Variants in RAB28 observed in about 807,000 individuals in gnomAD.
The protein encoded by RAB28 is RAB28, member RAS oncogene family.
A neutral mutation model predicts 31.7 loss-of-function variants in RAB28; 24 were observed. The observed-to-expected ratio is 0.76, with a 90% confidence interval of 0.55 to 1.06. The LOEUF is 1.06. Ranked by LOEUF, RAB28 falls within the 50% of genes least tolerant of loss-of-function variation. The pLI is 0.00. For synonymous variants in RAB28, 100 were observed against 90.4 expected, an observed-to-expected ratio of 1.11 and a Z score of -0.60; for missense variants, 254 against 258.5, an observed-to-expected ratio of 0.98 and a Z score of 0.12.
chr4:13,368,690 A>G, intron 6 of RAB28, 40 bp from the exon 7 acceptor site: 1 of 1,540,230 alleles, frequency 6.5e-7, no homozygotes, highest in Non-Finnish European at 8.9e-7. Flanking sequence ...AGGATATCAG[A>G]ACATTTAGAA....
chr4:13,431,381 C>T (rs1713796809), intron 4 of RAB28, among the ~76,000 whole-genome samples: 1 of 152,180 alleles, frequency 6.6e-6, no homozygotes, highest in African/African-American at 2.4e-5. Flanking sequence ...TCTCCCAAGA[C>T]CTTGGTGCAC....
chr4:13,460,568 C>G, intron 4 of RAB28, 131 bp downstream of exon 4: 1 of 1,173,466 alleles, frequency 8.5e-7, no homozygotes, highest in South Asian at 1.3e-5. Flanking sequence ...TCCCAAAACC[C>G]CACCTCCAGA....
At chr4:13,402,620 T>C (rs1711837058) in intron 4 of RAB28, among the ~76,000 whole-genome samples, 1 of 152,170 alleles carries the variant, frequency 6.6e-6, no homozygotes, top group South Asian at 2.1e-4. Flanking sequence ...TGTATCTTCA[T>C]ATTTAAAGTA....
intron 4 of RAB28, among the ~76,000 whole-genome samples, chr4:13,460,403 C>T (rs962151783): frequency 1.3e-5 from 2 of 152,118 alleles, no homozygotes; most frequent in African/African-American, 4.8e-5. Context: ...TAAATAGAGA[C>T]AAGGGTCTCA....
At chr4:13,390,674 C>T (rs1729586978) in intron 4 of RAB28, among the ~76,000 whole-genome samples, 1 of 151,234 alleles carries the variant, frequency 6.6e-6, no homozygotes, top group Non-Finnish European at 1.5e-5. Context: ...GCTACAGTAA[C>T]CAAAACAACA....
In RAB28 at chr4:13,460,827, C is replaced by A. The variant is rs776613209; in HGVS notation, c.263G>T (p.Gly88Val). The A allele has an allele frequency of 6.2e-7, 1 of 1,609,126 alleles. No individual in the cohort carries two copies. Among genetic ancestry groups the A allele is most frequent in the East Asian group, 2.2e-5 (1 of 44,810 alleles). ...MLDKYIYGAQ[G>V]VLLVYDITNY... ...TGTAATATCATATACCAAGAGGACT[C>A]CCTGTCACAAAAGAGTTACAAAATA... Residue 88 changes from glycine (G) to valine (V), a missense_variant and splice_region_variant, in exon 4 of 7, where the codon GGA becomes GTA. By Grantham distance (109) the Gly-to-Val change is moderately radical. Coordinates refer to ENST00000330852, the MANE Select transcript of RAB28 (RefSeq NM_001017979.3).
At chr4:13,428,813 T>G (rs11737054) in intron 4 of RAB28, among the ~76,000 whole-genome samples, 2 of 151,738 alleles carry the variant, frequency 1.3e-5, no homozygotes, top group Non-Finnish European at 2.9e-5. Flanking sequence ...AAATTCCAAG[T>G]AGGATAAACT....
rs577897718 is a variant in RAB28 at position 13,446,395 on chromosome 4, G to A, written c.391+14304C>T. On this transcript the variant is annotated intron_variant, in intron 4 of 6. Transcript: ENST00000330852. ...AGTGGACAGTTTTCCTGTCTCACTG[G>A]AGTTCCAGGTGCCACAGGAATATGA... Among the ~76,000 whole-genome samples the A allele has an allele frequency of 5.3e-5, 8 of 152,322 alleles. No individual in the cohort carries two copies. The East Asian group carries it at 1.4e-3, about 26-fold the overall frequency.
Position 13,368,400 on chromosome 4 carries a change from C to T in RAB28, c.*158G>A, listed in dbSNP as rs1429995556. On this transcript the variant is annotated 3_prime_UTR_variant, in exon 7 of 7. Transcript: ENST00000330852. ...GAATTCTTTCAAATCCAAGGAGCTG[C>T]CTGCCACTGTGAGGCAATAGCAATG... The T allele has an allele frequency of 7.9e-6, 10 of 1,261,628 alleles. No homozygotes were observed. The highest frequency in any genetic ancestry group is 6.2e-5 in the African/African-American group (4 of 64,450). 78.2% of individuals were successfully genotyped at this position (1,261,628 alleles called of 1,614,324 possible). A position where few individuals can be genotyped will look rare whatever the true frequency, so the allele number is the denominator to read the frequency against.
At position 13,448,912 on chromosome 4, in the gene RAB28, AAGC is replaced by A. The variant is rs371746319; in HGVS notation, c.391+11784_391+11786del. Among the ~76,000 whole-genome samples, 77 of 151,848 alleles carry A rather than the reference AAGC, an allele frequency of 5.1e-4. 1 individual carries two copies. The highest frequency in any genetic ancestry group is 3.5e-3 in the South Asian group (17 of 4,824). On this transcript the variant is annotated intron_variant, in intron 4 of 6. Coordinates refer to ENST00000330852, the MANE Select transcript of RAB28 (RefSeq NM_001017979.3). ...TGTGAAAAGAAGTTAAAAAAAGAAAAAGCAGCAGCAGCAGCAGCAGCAATAGAG... is the reference window on the plus strand; with the variant it reads ...TGTGAAAAGAAGTTAAAAAAAGAAAAAGCAGCAGCAGCAGCAGCAATAGAG...
In RAB28 at chr4:13,424,514, T is replaced by C. The variant is rs1208759354; in HGVS notation, c.391+36185A>G. Among the ~76,000 whole-genome samples the C allele has an allele frequency of 2.0e-5, 3 of 152,328 alleles. No homozygotes were observed. The East Asian group carries it at 5.8e-4, about 29-fold the overall frequency. ...TACCTCATCTTAACTTGATTACATC[T>C]GCAGAGACCCTAATTCTAAATAAGA... On this transcript the variant is annotated intron_variant, in intron 4 of 6. Transcript: ENST00000330852.
At chr4:13,445,477 G>GTT (rs1267048273) in intron 4 of RAB28, among the ~76,000 whole-genome samples, 1 of 152,072 alleles carries the variant, frequency 6.6e-6, no homozygotes, top group Admixed American at 6.5e-5. Context: ...TTCTGCATTG[G>GTT]TTTTTCCTCA....
intron 3 of RAB28, among the ~76,000 whole-genome samples, chr4:13,469,379 A>G (rs1716013652): frequency 6.6e-6 from 1 of 151,244 alleles, no homozygotes; most frequent in Admixed American, 6.6e-5. Context: ...CTTTCCTTCC[A>G]CTTCTCAATT....
At chr4:13,391,237 T>C (rs1015741585) in intron 4 of RAB28, among the ~76,000 whole-genome samples, 2 of 151,954 alleles carry the variant, frequency 1.3e-5, no homozygotes, top group African/African-American at 4.8e-5. Flanking sequence ...CATCAAAAAG[T>C]GGGCAAAGGA....
chr4:13,388,853 A>T (rs1729501368), intron 4 of RAB28, among the ~76,000 whole-genome samples: 1 of 152,066 alleles, frequency 6.6e-6, no homozygotes, highest in South Asian at 2.1e-4. Context: ...TGTTGGTGGG[A>T]CTGTAAAGTG....
At chr4:13,386,745 G>A (rs1342042643) in intron 4 of RAB28, among the ~76,000 whole-genome samples, 1 of 152,004 alleles carries the variant, frequency 6.6e-6, no homozygotes. Context: ...CCCATTACTG[G>A]GTATATACCC....
At chr4:13,377,884 G>A (rs1728982266) in intron 5 of RAB28, among the ~76,000 whole-genome samples, 1 of 152,184 alleles carries the variant, frequency 6.6e-6, no homozygotes, top group Admixed American at 6.5e-5. Flanking sequence ...GAGAAAAAGA[G>A]GAGTCAAGAA....
At chr4:13,453,597 T>C (rs1715091573) in intron 4 of RAB28, among the ~76,000 whole-genome samples, 3 of 152,112 alleles carry the variant, frequency 2.0e-5, no homozygotes, top group Admixed American at 1.3e-4. Flanking sequence ...CTGGGTTTAA[T>C]ATTCTAATAT....
Position 13,368,235 on chromosome 4 carries a change from T to C in RAB28, c.*323A>G. 1 of 1,008,040 alleles carries C rather than the reference T, an allele frequency of 9.9e-7. No homozygotes were observed. The highest frequency in any genetic ancestry group is 1.2e-6 in the Non-Finnish European group (1 of 845,260). The allele number at this position is 1,008,040 out of a possible 1,614,324, so 62.4% of individuals were successfully genotyped here. On this transcript the variant is annotated 3_prime_UTR_variant, in exon 7 of 7. Transcript: ENST00000330852. ...ATGATCAAGACTTGGAGAGTTTTCA[T>C]ATTAAGTTAAAAAAATTTACATCAA...
Sources: allele counts gnomAD v4.1 joint callset (sites outside exome capture counted in the v4.1 genomes callset), GRCh38; gene constraint gnomAD v4.1.1; transcripts MANE v1.5; gene names NCBI Gene and HGNC (gene_info 2026-07-23, HGNC 2026-07-21).